PINK1: variants seen among roughly 807,000 people sequenced by gnomAD.
The protein encoded by PINK1 is PTEN induced kinase 1, also known as serine/threonine-protein kinase PINK1, mitochondrial.
PINK1 carries 58 observed loss-of-function variants against 56.0 expected under a neutral mutation model. The observed-to-expected ratio is 1.04, with a 90% confidence interval of 0.84 to 1.29. PINK1 has a LOEUF of 1.29. PINK1 is among the 50% of genes most tolerant of loss of function. The pLI is 0.00. For synonymous variants in PINK1, 354 were observed against 339.3 expected, an observed-to-expected ratio of 1.04 and a Z score of -0.48; for missense variants, 745 against 777.9, an observed-to-expected ratio of 0.96 and a Z score of 0.50.
intron 1 of PINK1, among the ~76,000 whole-genome samples, chr1:20,634,298 C>T (rs535209638): frequency 6.6e-6 from 1 of 152,166 alleles, no homozygotes; most frequent in East Asian, 1.9e-4. Context: ...AAGGAAAGTC[C>T]TCAGGTGAAG....
chr1:20,637,187 C>T (rs762717523), intron 1 of PINK1, among the ~76,000 whole-genome samples: 12 of 152,226 alleles, frequency 7.9e-5, no homozygotes, highest in African/African-American at 1.2e-4. Flanking sequence ...GGAAGAGTGA[C>T]GTCACCGCTG....
intron 6 of PINK1, 143 bp downstream of exon 6, chr1:20,648,775 T>G (rs890067100): frequency 1.4e-6 from 2 of 1,451,278 alleles, no homozygotes; most frequent in African/African-American, 1.4e-5. Flanking sequence ...CCTGCCACTT[T>G]GCTTTCCTCC....
Position 20,633,540 on chromosome 1 carries a change from G to T in PINK1, c.-9G>T. On this transcript the variant is annotated 5_prime_UTR_variant, in exon 1 of 8. Coordinates refer to ENST00000321556, the MANE Select transcript of PINK1 (RefSeq NM_032409.3). ...GGCGGCTGCGGGGGCACCGGGCCGC[G>T]GCGCCACCATGGCGGTGCGACAGGC... 1.7e-6 allele frequency: 2 copies of T among 1,161,168 alleles called. No homozygotes were observed. The highest frequency in any genetic ancestry group is 4.2e-5 in the South Asian group (1 of 23,670). 71.9% of individuals were successfully genotyped at this position (1,161,168 alleles called of 1,614,324 possible).
chr1:20,637,137 G>A (rs2053063968), intron 1 of PINK1, among the ~76,000 whole-genome samples: 1 of 152,238 alleles, frequency 6.6e-6, no homozygotes. Context: ...GAGCTCAGCA[G>A]ATCAGACCAT....
intron 3 of PINK1, among the ~76,000 whole-genome samples, chr1:20,640,437 G>T (rs989849623): frequency 6.6e-6 from 1 of 152,202 alleles, no homozygotes; most frequent in African/African-American, 2.4e-5. Flanking sequence ...AGAGGTCTCA[G>T]TGTGGCAGCA....
intron 2 of PINK1, chr1:20,639,069 G>A (rs2053086800): frequency 2.0e-5 from 3 of 152,604 alleles, no homozygotes; most frequent in South Asian, 2.1e-4. Flanking sequence ...ATTAAGACCC[G>A]ATGCTCTGTC....
chr1:20,647,780 T>A (rs1327733702), intron 5 of PINK1, among the ~76,000 whole-genome samples: 2 of 151,858 alleles, frequency 1.3e-5, no homozygotes, highest in Non-Finnish European at 2.9e-5. Context: ...GGAACTGGCT[T>A]TTTAAAGGAA....
chr1:20,639,439 T>C, intron 2 of PINK1: 1 of 255,934 alleles, frequency 3.9e-6, no homozygotes, highest in Admixed American at 4.7e-5. Context: ...TTTTGTCTGT[T>C]TGTCGTGGGG....
chr1:20,650,385 G>C, intron 7 of PINK1, 49 bp from the exon 8 acceptor site: 2 of 1,610,722 alleles, frequency 1.2e-6, no homozygotes, highest in Non-Finnish European at 1.7e-6. Flanking sequence ...GCTTTGGGTT[G>C]AGACTGTGTT....
At chr1:20,646,142 A>G (rs1301034343) in intron 5 of PINK1, among the ~76,000 whole-genome samples, 1 of 151,946 alleles carries the variant, frequency 6.6e-6, no homozygotes, top group Non-Finnish European at 1.5e-5. Flanking sequence ...AGCCGGAAAA[A>G]AAGTTAGCCA....
Position 20,650,457 on chromosome 1 carries a change from A to C in PINK1, c.1512A>C (p.Ala504=), listed in dbSNP as rs527565484. 26 of 1,614,052 alleles carry C rather than the reference A, an allele frequency of 1.6e-5. No individual in the cohort carries two copies. In the East Asian group the frequency reaches 5.3e-4, roughly 33 times the overall value. Residue 504 remains alanine, a synonymous_variant, in exon 8 of 8, where the codon GCA becomes GCC. Coordinates refer to ENST00000321556, the MANE Select transcript of PINK1 (RefSeq NM_032409.3). ...AGAGACCATCTGCCCGAGTAGCCGCAAATGTGCTTCATCTAAGCCTCTGGG... is the reference window on the plus strand; with the variant it reads ...AGAGACCATCTGCCCGAGTAGCCGCCAATGTGCTTCATCTAAGCCTCTGGG... ...ASKRPSARVA[A]NVLHLSLWGE...
rs1247730138 is a variant in PINK1, at chr1:20,633,863, G to A, written c.315G>A (p.Gly105=). The part of the protein sequence containing the change: ...PCGRAVFLAF[G]LGLGLIEEKQ... ...GCCGGGCAGTCTTTCTGGCCTTCGG[G>A]CTAGGGCTGGGCCTCATCGAGGAAA... Residue 105 remains glycine, a synonymous_variant, in exon 1 of 8, where the codon GGG becomes GGA. Coordinates refer to ENST00000321556, the MANE Select transcript of PINK1 (RefSeq NM_032409.3). The A allele has an allele frequency of 1.3e-6, 2 of 1,578,288 alleles. No individual in the cohort carries two copies. The highest frequency in any genetic ancestry group is 1.8e-5 in the Admixed American group (1 of 55,012).
At position 20,644,508 on chromosome 1, in the gene PINK1, C is replaced by T. The variant is rs558363399; in HGVS notation, c.795C>T (p.Pro265=). Residue 265 remains proline (P), a synonymous_variant, in exon 4 of 8, where the codon CCC becomes CCT. Coordinates refer to ENST00000321556, the MANE Select transcript of PINK1 (RefSeq NM_032409.3). The part of the protein sequence containing the change: ...AVTYRKSKRG[P]KQLAPHPNII... ...TGACTAGAAAATCCAAGAGAGGTCC[C>T]AAGCAACTAGCCCCTCACCCCAACA... 6.2e-7 allele frequency: 1 copy of T among 1,614,208 alleles called. No homozygotes were observed. Among genetic ancestry groups the T allele is most frequent in the African/African-American group, 1.3e-5 (1 of 75,052 alleles).
At position 20,633,529 on chromosome 1, in the gene PINK1, C is replaced by T. The variant is rs1409886167; in HGVS notation, c.-20C>T. 37 of 1,143,996 alleles carry T rather than the reference C, an allele frequency of 3.2e-5. No individual in the cohort carries two copies. Among genetic ancestry groups the T allele is most frequent in the East Asian group, 4.5e-5 (1 of 22,456 alleles). The allele number at this position is 1,143,996 out of a possible 1,614,324, so 70.9% of individuals were successfully genotyped here. A position where few individuals can be genotyped will look rare whatever the true frequency, so the allele number is the denominator to read the frequency against. On this transcript the variant is annotated 5_prime_UTR_variant, in exon 1 of 8. Transcript: ENST00000321556. ...GTGGCGGCAGCGGCGGCTGCGGGGG[C>T]ACCGGGCCGCGGCGCCACCATGGCG...
chr1:20,638,859 AG>A (rs1389936125), intron 2 of PINK1: 1 of 152,870 alleles, frequency 6.5e-6, no homozygotes, highest in Non-Finnish European at 1.5e-5. Context: ...CTCACTGGAG[AG>A]GGGGAACTGG....
In PINK1 at chr1:20,633,505, T is replaced by TGGCGGCAGC. The variant is rs550535939; in HGVS notation, c.-37_-29dup. 2 of 1,112,438 alleles carry TGGCGGCAGC rather than the reference T, an allele frequency of 1.8e-6. No individual in the cohort carries two copies. The highest frequency in any genetic ancestry group is 2.2e-6 in the Non-Finnish European group (2 of 912,394). 68.9% of individuals were successfully genotyped at this position (1,112,438 alleles called of 1,614,324 possible). A position where few individuals can be genotyped will look rare whatever the true frequency, so the allele number is the denominator to read the frequency against. ...TGTGACCGGCGGGGGACGCCGGTGGTGGCGGCAGCGGCGGCTGCGGGGGCA... is the reference window on the plus strand; with the variant it reads ...TGTGACCGGCGGGGGACGCCGGTGGTGGCGGCAGCGGCGGCAGCGGCGGCTGCGGGGGCA... On this transcript the variant is annotated 5_prime_UTR_variant, in exon 1 of 8. Coordinates refer to ENST00000321556, the MANE Select transcript of PINK1 (RefSeq NM_032409.3).
rs576189826 is a variant in PINK1, at chr1:20,641,875, T to G, written c.776+1883T>G. 1.7e-4 allele frequency among the ~76,000 whole-genome samples: 26 copies of G among 152,166 alleles called. No homozygotes were observed. Among genetic ancestry groups the G allele is most frequent in the African/African-American group, 5.8e-4 (24 of 41,512 alleles). Reference sequence around the variant, plus strand: ...ACCTGGGCTGCCCTCCTCCCACATTTCAGGTCTCAGTTCAGACACCCGCAA... The same window carrying G: ...ACCTGGGCTGCCCTCCTCCCACATTGCAGGTCTCAGTTCAGACACCCGCAA... On this transcript the variant is annotated intron_variant, in intron 3 of 7. Coordinates refer to ENST00000321556, the MANE Select transcript of PINK1 (RefSeq NM_032409.3). The surrounding 1 kb of genome is among the most constrained non-coding windows in gnomAD (Gnocchi z 4.0).
intron 5 of PINK1, among the ~76,000 whole-genome samples, chr1:20,647,553 C>A (rs76953237): frequency 0.12 from 17,423 of 147,942 alleles, 1,058 homozygotes; most frequent in Non-Finnish European, 0.14. Flanking sequence ...TCACTGCAAC[C>A]CCTGCCTATC....
intron 3 of PINK1, among the ~76,000 whole-genome samples, chr1:20,644,171 C>G (rs2053148414): frequency 6.6e-6 from 1 of 152,106 alleles, no homozygotes; most frequent in South Asian, 2.1e-4. Context: ...AGTGGCAGAC[C>G]TGGAATGCAA....
Sources: gnomAD v4.1 joint callset for allele counts (sites outside exome capture counted in the v4.1 genomes callset) on GRCh38, gnomAD v4.1.1 for gene constraint, Gnocchi (gnomAD v3.1) non-coding constraint, MANE v1.5 for transcripts, NCBI Gene and HGNC (gene_info 2026-07-23, HGNC 2026-07-21) for gene names.